Variants in PRRC2B observed in about 807,000 individuals in gnomAD.
PRRC2B encodes protein PRRC2B.
PRRC2B carries 68 observed loss-of-function variants against 242.3 expected under a neutral mutation model. The observed-to-expected ratio is 0.28, with a 90% CI of 0.23 to 0.34. PRRC2B has a LOEUF of 0.34. Ranked by LOEUF, PRRC2B falls within the 10% of genes least tolerant of loss-of-function variation. The probability of loss-of-function intolerance (pLI) is 1.00; values close to 1 mark genes in which losing one functional copy is unlikely to be tolerated. For synonymous variants in PRRC2B, 1,228 were observed against 1,173.6 expected (o/e 1.05, Z -0.95); for missense variants, 2,835 against 2,954.8 (o/e 0.96, Z 0.94).
At chr9:131,378,612 G>C (rs556494529) in intron 1 of PRRC2B, among the ~76,000 whole-genome samples, 4 of 152,304 alleles carry the variant, frequency 2.6e-5, no homozygotes, top group African/African-American at 9.6e-5. Context: ...GAACACTCCT[G>C]TGCTCTCTTC....
At chr9:131,470,677 C>T in intron 13 of PRRC2B, 111 bp from the exon 14 acceptor site, 1 of 817,548 alleles carries the variant, frequency 1.2e-6, no homozygotes, top group Admixed American at 2.4e-5. Context: ...GTCTTCTGTT[C>T]TAGGTGGGCT....
At chr9:131,413,746 A>ACTGCAACCTCTGCCTCC (rs1837566843) in intron 1 of PRRC2B, among the ~76,000 whole-genome samples, 1 of 152,154 alleles carries the variant, frequency 6.6e-6, no homozygotes, top group African/African-American at 2.4e-5. Flanking sequence ...ATCTTGGCTC[A>ACTGCAACCTCTGCCTCC]CTGCAACCTC....
chr9:131,432,962 C>T (rs557730693), intron 3 of PRRC2B, among the ~76,000 whole-genome samples, 168 bp downstream of exon 3: 1 of 152,340 alleles, frequency 6.6e-6, no homozygotes, highest in South Asian at 2.1e-4. Context: ...CTCTCTGGCC[C>T]TGGTGCTTCG....
At chr9:131,400,929 A>G (rs1837211136) in intron 1 of PRRC2B, among the ~76,000 whole-genome samples, 1 of 150,316 alleles carries the variant, frequency 6.7e-6, no homozygotes, top group Non-Finnish European at 1.5e-5. Context: ...CCCCCACCTA[A>G]CTTTGGCCTC....
Position 131,491,555 on chromosome 9 carries a change from C to T in PRRC2B, c.6356C>T (p.Pro2119Leu), listed in dbSNP as rs376115248. ...AGGATTCCTCCGCCCGGGTCCCAGC[C>T]GCCAGTCCTGAACACCAGCAGAGAG... is the stretch of plus-strand genomic sequence containing the variant. ...PRRIPPPGSQ[P>L]PVLNTSREPS... Residue 2119 changes from proline (P) to leucine (L), a missense_variant, in exon 29 of 32, where the codon CCG becomes CTG. By Grantham distance (98) the Pro-to-Leu change is moderately conservative (BLOSUM62 -3). Transcript: ENST00000683519. The T allele has an allele frequency of 1.7e-5, 27 of 1,611,644 alleles. No homozygotes were observed. The highest frequency in any genetic ancestry group is 3.3e-5 in the South Asian group (3 of 90,718).
rs778828871 is a variant in PRRC2B at position 131,487,312 on chromosome 9, C to T, written c.5984+18C>T. ...CCCTTCAGGTGAGCTCATGTACCAGCTTGCGGAGCTGGCAGCTCACAGCCA... is the reference window on the plus strand; with the variant it reads ...CCCTTCAGGTGAGCTCATGTACCAGTTTGCGGAGCTGGCAGCTCACAGCCA... On this transcript the variant is annotated intron_variant, in intron 27 of 31. Coordinates refer to ENST00000683519, the MANE Select transcript of PRRC2B (RefSeq NM_013318.4). The surrounding 1 kb of genome is among the most constrained non-coding windows in gnomAD (Gnocchi z 5.3). 7 of 1,571,758 alleles carry T rather than the reference C, an allele frequency of 4.5e-6. No individual in the cohort carries two copies. Among genetic ancestry groups the T allele is most frequent in the Non-Finnish European group, 6.1e-6 (7 of 1,154,672 alleles).
intron 5 of PRRC2B, among the ~76,000 whole-genome samples, chr9:131,442,496 G>A (rs2131380745): frequency 6.6e-6 from 1 of 152,332 alleles, no homozygotes; most frequent in African/African-American, 2.4e-5. Flanking sequence ...GGTCATTGGT[G>A]AATGGTGTCC....
upstream of PRRC2B, among the ~76,000 whole-genome samples, chr9:131,393,862 A>C (rs1262781793): frequency 8.8e-4 from 80 of 90,832 alleles, no homozygotes; most frequent in Admixed American, 2.9e-3. Flanking sequence ...GCCCCTCCCC[A>C]CTCCCAGCCC....
chr9:131,484,254 C>T (rs1310085748), intron 23 of PRRC2B, among the ~76,000 whole-genome samples: 1 of 152,182 alleles, frequency 6.6e-6, no homozygotes, highest in Non-Finnish European at 1.5e-5. Context: ...CAGGGCATCT[C>T]CAGGCCAGGT....
intron 1 of PRRC2B, among the ~76,000 whole-genome samples, chr9:131,427,972 A>G (rs1233747336): frequency 2.0e-5 from 3 of 152,176 alleles, no homozygotes; most frequent in Non-Finnish European, 2.9e-5. Context: ...CTCAGGCTGG[A>G]GTGCAATGGC....
In PRRC2B at chr9:131,464,864, G is replaced by A. The variant is rs528897720; in HGVS notation, c.1506G>A (p.Ala502=). Reference sequence around the variant, plus strand: ...TCATTCAGTCAGAGATGTCCGAGGCGGTGGAGCGAGCCCGAAAGCGCCGGG... The same window carrying A: ...TCATTCAGTCAGAGATGTCCGAGGCAGTGGAGCGAGCCCGAAAGCGCCGGG... ...QKFIQSEMSE[A]VERARKRREE... The change falls in exon 12 of 32, where the codon GCG becomes GCA. Residue 502 remains alanine, a synonymous_variant. Coordinates refer to ENST00000683519, the MANE Select transcript of PRRC2B (RefSeq NM_013318.4). The A allele has an allele frequency of 5.0e-6, 8 of 1,613,734 alleles. No homozygotes were observed. Among genetic ancestry groups the A allele is most frequent in the South Asian group, 4.4e-5 (4 of 91,052 alleles).
intron 9 of PRRC2B, among the ~76,000 whole-genome samples, chr9:131,448,543 CAAAAAAAAAAAA>C (rs754661321): frequency 0.17 from 6,790 of 39,892 alleles, 428 homozygotes; most frequent in Admixed American, 0.34. Flanking sequence ...GACACTGTCT[CAAAAAAAAAAAA>C]AAAAAAAAAA....
At chr9:131,399,003 C>T (rs890653894) in intron 1 of PRRC2B, among the ~76,000 whole-genome samples, 5 of 150,204 alleles carry the variant, frequency 3.3e-5, no homozygotes, top group Non-Finnish European at 7.4e-5. Context: ...AGGTCGGGCA[C>T]GGTGGCTCAC....
chr9:131,395,985 A>G (rs1837043036), intron 1 of PRRC2B, among the ~76,000 whole-genome samples: 1 of 152,168 alleles, frequency 6.6e-6, no homozygotes, highest in South Asian at 2.1e-4. Flanking sequence ...GTGAGTTTCT[A>G]CTTGTTTGGG....
At position 131,467,737 on chromosome 9, in the gene PRRC2B, A is replaced by G. The variant is rs760540063; in HGVS notation, c.1895A>G (p.Gln632Arg). ...CTTCCTCCCCGATTCCAGCGCCAGC[A>G]GCAGCAACAACAGCAGGTAAACAGA... Reference protein sequence around the residue: ...KSLPPRFQRQQQQQQQEQLYK... With the variant: ...KSLPPRFQRQRQQQQQEQLYK... Residue 632 changes from glutamine (Q) to arginine (R), a missense_variant, in exon 13 of 32, where the codon CAG becomes CGG. Gln to Arg is a conservative substitution (Grantham distance 43). Coordinates refer to ENST00000683519, the MANE Select transcript of PRRC2B (RefSeq NM_013318.4). 6.2e-7 allele frequency: 1 copy of G among 1,614,006 alleles called. No homozygotes were observed. Among genetic ancestry groups the G allele is most frequent in the Non-Finnish European group, 8.5e-7 (1 of 1,179,888 alleles).
rs762737644 is a variant in PRRC2B, at chr9:131,447,217, T to G, written c.977+11T>G. On this transcript the variant is annotated intron_variant, in intron 8 of 31. Transcript: ENST00000683519. ...GAATGACCAAGACGGGTGAGTCCAT[T>G]GCATTACAGTCACGTGTGTAGAGAT... 6.8e-6 allele frequency: 11 copies of G among 1,613,946 alleles called. No individual in the cohort carries two copies. Among genetic ancestry groups the G allele is most frequent in the Non-Finnish European group, 9.3e-6 (11 of 1,179,856 alleles).
chr9:131,479,429 C>T (rs747126456), intron 19 of PRRC2B, 36 bp downstream of exon 19: 1 of 1,600,396 alleles, frequency 6.2e-7, no homozygotes, highest in Non-Finnish European at 8.5e-7. Context: ...CTGTGGCACC[C>T]AAGGTCACAT....
intron 1 of PRRC2B, among the ~76,000 whole-genome samples, chr9:131,374,424 G>C (rs1836657683): frequency 6.6e-6 from 1 of 152,170 alleles, no homozygotes; most frequent in African/African-American, 2.4e-5. Context: ...AAAGAAAAAA[G>C]TCAGAATGAT....
At chr9:131,414,827 C>G (rs1338676710) in intron 1 of PRRC2B, among the ~76,000 whole-genome samples, 2 of 152,010 alleles carry the variant, frequency 1.3e-5, no homozygotes, top group African/African-American at 4.8e-5. Context: ...GCCTTGGCCT[C>G]CCAAAGTGCT....
Sources: allele counts gnomAD v4.1 joint callset (sites outside exome capture counted in the v4.1 genomes callset), GRCh38; gene constraint gnomAD v4.1.1; non-coding constraint Gnocchi (gnomAD v3.1); transcripts MANE v1.5; gene names NCBI Gene and HGNC (gene_info 2026-07-23, HGNC 2026-07-21).